ANK3: variants seen among roughly 807,000 people sequenced by gnomAD.
The protein encoded by ANK3 is ankyrin 3.
ANK3 carries 57 observed loss-of-function variants against 370.9 expected under a neutral mutation model. The ratio of observed to expected loss-of-function variants is 0.15; its 90% CI spans 0.12 to 0.19. The LOEUF is 0.19. Ranked by LOEUF, ANK3 falls within the 10% of genes least tolerant of loss-of-function variation. The pLI, the probability that ANK3 is intolerant of heterozygous loss-of-function variation, is 1.00. For missense variants in ANK3, 4,439 were observed against 5,302.1 expected (o/e 0.84, Z 5.06); for synonymous variants, 1,929 against 1,946.3 (o/e 0.99, Z 0.23).
intron 1 of ANK3, among the ~76,000 whole-genome samples, chr10:60,325,417 C>T (rs1371378915): frequency 6.6e-6 from 1 of 152,194 alleles, no homozygotes; most frequent in African/African-American, 2.4e-5. Context: ...GAACACTTAA[C>T]TGCCAGCCTG....
chr10:60,572,892 G>C (rs2077632176), intron 2 of ANK3: 4 of 1,022,806 alleles, frequency 3.9e-6, no homozygotes, highest in Non-Finnish European at 4.7e-6. Context: ...AATGGTGAGA[G>C]AGAGAGAAAG....
chr10:60,724,940 T>C (rs1362260003), intron 1 of ANK3, among the ~76,000 whole-genome samples: 2 of 152,226 alleles, frequency 1.3e-5, no homozygotes, highest in East Asian at 3.8e-4. Flanking sequence ...TTGAGTTAAC[T>C]ATACTTCCCG....
intron 1 of ANK3, among the ~76,000 whole-genome samples, chr10:60,343,065 T>A (rs1386733251): frequency 6.6e-6 from 1 of 152,128 alleles, no homozygotes; most frequent in Non-Finnish European, 1.5e-5. Flanking sequence ...AGGCAAGCAA[T>A]CAAGGACAGG....
intron 2 of ANK3, among the ~76,000 whole-genome samples, chr10:60,426,148 T>C (rs1311469163): frequency 6.6e-6 from 1 of 152,094 alleles, no homozygotes; most frequent in African/African-American, 2.4e-5. Flanking sequence ...ATTTTCAGCT[T>C]TCCAGCCCAC....
rs1255234140 is a variant in ANK3 at position 60,680,134 on chromosome 10, C to T, written c.57+53129G>A. Among the ~76,000 whole-genome samples, 8 of 57,162 alleles carry T rather than the reference C, an allele frequency of 1.4e-4. No homozygotes were observed. The Admixed American group carries it at 1.4e-3, about 10-fold the overall frequency. 37.5% of individuals were successfully genotyped at this position (57,162 alleles called of 152,430 possible). A position where few individuals can be genotyped will look rare whatever the true frequency, so the allele number is the denominator to read the frequency against. Reference sequence around the variant, plus strand: ...TGGGAGACATAGTGAGGCTCTGTCTCGGGAAAAAAAAAAAAAGGAAAGAAA... The same window carrying T: ...TGGGAGACATAGTGAGGCTCTGTCTTGGGAAAAAAAAAAAAAGGAAAGAAA... On this transcript the variant is annotated intron_variant, in intron 1 of 43. Coordinates refer to the ANK3 transcript ENST00000373827.
chr10:60,681,941 C>G (rs2079201331), intron 1 of ANK3, among the ~76,000 whole-genome samples: 3 of 152,082 alleles, frequency 2.0e-5, no homozygotes, highest in Non-Finnish European at 2.9e-5. Context: ...CACCTGAGGC[C>G]AGGAGTTCAA....
At chr10:60,429,027 CA>C (rs2063954044) in intron 2 of ANK3, among the ~76,000 whole-genome samples, 2 of 151,964 alleles carry the variant, frequency 1.3e-5, no homozygotes, top group African/African-American at 4.8e-5. Context: ...CCCAAAAGTT[CA>C]GTGTTAAAAT....
chr10:60,210,336 G>A (rs191660911), intron 9 of ANK3, among the ~76,000 whole-genome samples: 21 of 152,188 alleles, frequency 1.4e-4, no homozygotes, highest in East Asian at 3.9e-4. Context: ...GGGGTAAATC[G>A]TGAGAAAACG....
At chr10:60,445,127 C>T (rs921108562) in intron 2 of ANK3, among the ~76,000 whole-genome samples, 11 of 152,054 alleles carry the variant, frequency 7.2e-5, no homozygotes, top group East Asian at 1.9e-4. Flanking sequence ...TTTTAAAAAA[C>T]GATAAAACAG....
At chr10:60,053,583 T>C in intron 42 of ANK3, 1 of 996,638 alleles carries the variant, frequency 1.0e-6, no homozygotes, top group East Asian at 6.8e-5. Flanking sequence ...TAGGAATTGG[T>C]AAAGGGGAAA....
At position 60,027,829 on chromosome 10, in the gene ANK3, T is replaced by A. The variant is rs7078873; in HGVS notation, c.*2017A>T. ...TATGGGTTGCAAATTCACAGTCAGG[T>A]TGTACAAATATAAGAAATGAGGCTG... is the stretch of plus-strand genomic sequence containing the variant. On this transcript the variant is annotated 3_prime_UTR_variant, in exon 44 of 44. Coordinates refer to ENST00000280772, the MANE Select transcript of ANK3 (RefSeq NM_020987.5). 0.37 allele frequency: 56,593 copies of A among 151,898 alleles called. 10,869 individuals are homozygous for A. The highest frequency in any genetic ancestry group is 0.42 in the African/African-American group (17,577 of 41,408). The allele number at this position is 151,898 out of a possible 1,614,324, so 9.4% of individuals were successfully genotyped here. A position where few individuals can be genotyped will look rare whatever the true frequency, so the allele number is the denominator to read the frequency against.
At chr10:60,320,661 T>C (rs2048428321) in intron 1 of ANK3, among the ~76,000 whole-genome samples, 1 of 152,156 alleles carries the variant, frequency 6.6e-6, no homozygotes, top group South Asian at 2.1e-4. Context: ...AGGAATTGTC[T>C]TGGTGGTTAC....
At chr10:60,683,467 AGT>A (rs896060785) in intron 1 of ANK3, among the ~76,000 whole-genome samples, 1 of 152,234 alleles carries the variant, frequency 6.6e-6, no homozygotes, top group Non-Finnish European at 1.5e-5. Flanking sequence ...CACAGGATGT[AGT>A]ACTTTGTCCT....
At position 60,073,156 on chromosome 10, in the gene ANK3, A is replaced by G. The variant is rs937579994; in HGVS notation, c.7725T>C (p.Asp2575=). 9 of 1,613,912 alleles carry G rather than the reference A, an allele frequency of 5.6e-6. No homozygotes were observed. The Admixed American group carries it at 1.0e-4, about 18-fold the overall frequency. The change falls in exon 37 of 44, where the codon GAT becomes GAC. Residue 2575 remains aspartate, a synonymous_variant. Transcript: ENST00000280772. The part of the protein sequence containing the change: ...DRGREKLIYE[D]RVDRTVKEAE... ...CCTCCTTCACAGTCCTGTCCACCCT[A>G]TCTTCATATATCAACTTCTCTCTAC...
chr10:60,549,089 C>G (rs948227040), intron 2 of ANK3, among the ~76,000 whole-genome samples: 3 of 150,874 alleles, frequency 2.0e-5, no homozygotes, highest in African/African-American at 7.3e-5. Flanking sequence ...TTAAGGAAAC[C>G]AAGGTAATCA....
chr10:60,405,123 C>T (rs2132913321), intron 2 of ANK3, among the ~76,000 whole-genome samples: 1 of 152,240 alleles, frequency 6.6e-6, no homozygotes, highest in African/African-American at 2.4e-5. Context: ...TTGGCAGTTT[C>T]TTATAAAATA....
At chr10:60,402,473 C>G (rs916216154) in intron 2 of ANK3, among the ~76,000 whole-genome samples, 10 of 152,030 alleles carry the variant, frequency 6.6e-5, no homozygotes, top group Non-Finnish European at 1.2e-4. Flanking sequence ...TTGTAATATG[C>G]CTTAACATGC....
chr10:60,192,435 T>A lies in ANK3; in HGVS notation c.1887+3710A>T, dbSNP rs1312546326. ...AGTTGTATATAATTATATATAATTA[T>A]AATATATACAATTTATGTGCGTGTA... On this transcript the variant is annotated intron_variant, in intron 16 of 43. Coordinates refer to ENST00000280772, the MANE Select transcript of ANK3 (RefSeq NM_020987.5). Among the ~76,000 whole-genome samples the A allele has an allele frequency of 2.0e-5, 3 of 150,780 alleles. No individual in the cohort carries two copies. In the East Asian group the frequency reaches 5.8e-4, roughly 29 times the overall value.
intron 1 of ANK3, among the ~76,000 whole-genome samples, chr10:60,364,460 G>A (rs554255757): frequency 6.6e-6 from 1 of 151,802 alleles, no homozygotes; most frequent in East Asian, 1.9e-4. Context: ...ACCAAACACC[G>A]CATGTTCTCA....
Sources: allele counts gnomAD v4.1 joint callset (sites outside exome capture counted in the v4.1 genomes callset), GRCh38; gene constraint gnomAD v4.1.1; transcripts MANE v1.5; gene names NCBI Gene and HGNC (gene_info 2026-07-23, HGNC 2026-07-21).